The following NTSR2 variants were observed in gnomAD, a reference collection of about 807,000 sequenced individuals.
The protein encoded by NTSR2 is neurotensin receptor 2, also known as neurotensin receptor type 2.
Under a neutral mutation model 24.1 loss-of-function variants are expected in NTSR2, and 22 were observed. The ratio of observed to expected loss-of-function variants is 0.91; its 90% CI spans 0.65 to 1.30. The LOEUF is 1.30. Among genes scored for constraint, NTSR2 ranks in the 50% most tolerant of loss-of-function variants. The pLI, the probability that NTSR2 is intolerant of heterozygous loss-of-function variation, is 0.00. For missense variants in NTSR2, 570 were observed against 570.4 expected, an observed-to-expected ratio of 1.00 and a Z score of 0.01; for synonymous variants, 291 against 267.0, an observed-to-expected ratio of 1.09 and a Z score of -0.88.
At chr2:11,659,279 T>G (rs1423442220) in intron 3 of NTSR2, among the ~76,000 whole-genome samples, 1 of 152,234 alleles carries the variant, frequency 6.6e-6, no homozygotes, top group African/African-American at 2.4e-5. Flanking sequence ...CACTGCTGAC[T>G]GACAGGGGCC....
In NTSR2 at chr2:11,660,126, G is replaced by A. The variant is rs747145082; in HGVS notation, c.906C>T (p.Ile302=). 1.2e-5 allele frequency: 20 copies of A among 1,613,134 alleles called. No homozygotes were observed. The highest frequency in any genetic ancestry group is 1.6e-4 in the Middle Eastern group (1 of 6,062). ...LQRSVQVLRA[I]VVMYVICWLP... is the part of the protein sequence containing the mutation. ...GCCAGCAGATGACATACATGACCACGATGGCTCCTGCAGAGCATTGGAAAG... is the reference window on the plus strand; with the variant it reads ...GCCAGCAGATGACATACATGACCACAATGGCTCCTGCAGAGCATTGGAAAG... Residue 302 remains isoleucine, a synonymous_variant, in exon 3 of 4, where the codon ATC becomes ATT. Coordinates refer to ENST00000306928, the MANE Select transcript of NTSR2 (RefSeq NM_012344.4).
At chr2:11,663,429 G>C (rs1475717726) in intron 1 of NTSR2, among the ~76,000 whole-genome samples, 1 of 152,064 alleles carries the variant, frequency 6.6e-6, no homozygotes, top group Non-Finnish European at 1.5e-5. Flanking sequence ...GATGAAACTG[G>C]TAGATTATCT....
rs759920752 is a variant in NTSR2 at position 11,669,468 on chromosome 2, A to AC, written c.624+37dup. ...TCCCTCCTCCCAGCACCGCCCCCCC[A>AC]CCCCCCCTCCCCCGACTCCCGCTCT... On this transcript the variant is annotated intron_variant, in intron 1 of 3. Transcript: ENST00000306928. 3.1e-3 allele frequency: 275 copies of AC among 89,698 alleles called. No individual in the cohort carries two copies. In the East Asian group the frequency reaches 0.052, roughly 17 times the overall value. The allele number at this position is 89,698 out of a possible 1,614,324, so 5.6% of individuals were successfully genotyped here.
Position 11,658,722 on chromosome 2 carries a change from G to A in NTSR2, c.990C>T (p.Asp330=). Residue 330 remains aspartate (D), a splice_region_variant and synonymous_variant, in exon 4 of 4, where the codon GAC becomes GAT. Coordinates refer to ENST00000306928, the MANE Select transcript of NTSR2 (RefSeq NM_012344.4). ...AGTAGTGGTAGAAATTGTACAGTGG[G>A]CTGCAAGAGAAACCCGGGAGCCTGG... ...YCYVPDDAWT[D]PLYNFYHYFY... 1 of 1,613,248 alleles carries A rather than the reference G, an allele frequency of 6.2e-7. No homozygotes were observed. Among genetic ancestry groups the A allele is most frequent in the Non-Finnish European group, 8.5e-7 (1 of 1,179,292 alleles).
chr2:11,669,988 C>T lies in NTSR2; in HGVS notation c.142G>A (p.Ala48Thr), dbSNP rs868008641. The T allele has an allele frequency of 6.6e-7, 1 of 1,512,668 alleles. No individual in the cohort carries two copies. Among genetic ancestry groups the T allele is most frequent in the Admixed American group, 2.2e-5 (1 of 45,924 alleles). The allele number at this position is 1,512,668 out of a possible 1,614,324, so 93.7% of individuals were successfully genotyped here. ...LYALIWALGA[A>T]GNALSAHVVL... The stretch of plus-strand genomic sequence containing the variant: ...ACGTGCGCGGACAGCGCATTGCCCG[C>T]CGCGCCCAGCGCCCAGATGAGTGCG... The change falls in exon 1 of 4, where the codon GCG becomes ACG. Residue 48 changes from alanine to threonine, a missense_variant. Transcript: ENST00000306928.
Position 11,662,139 on chromosome 2 carries a change from G to A in NTSR2, c.726C>T (p.Ser242=). Reference sequence around the variant, plus strand: ...GGGTGGAGCTGCCCGGGGTAGAAGTGGACGGCACTTGGGAGCAGAGGGCCA... The same window carrying A: ...GGGTGGAGCTGCCCGGGGTAGAAGTAGACGGCACTTGGGAGCAGAGGGCCA... The part of the protein sequence containing the change: ...HLLALCSQVP[S]TSTPGSSTPS... The change falls in exon 2 of 4, where the codon TCC becomes TCT. Residue 242 remains serine, a synonymous_variant. Coordinates refer to ENST00000306928, the MANE Select transcript of NTSR2 (RefSeq NM_012344.4). 1.2e-6 allele frequency: 2 copies of A among 1,609,390 alleles called. No individual in the cohort carries two copies. Among genetic ancestry groups the A allele is most frequent in the Middle Eastern group, 1.7e-4 (1 of 6,032 alleles).
intron 1 of NTSR2, among the ~76,000 whole-genome samples, chr2:11,667,495 C>G (rs1251597506): frequency 6.6e-6 from 1 of 152,080 alleles, no homozygotes; most frequent in African/African-American, 2.4e-5. Context: ...TACAGGCATG[C>G]CACCATGCCC....
At chr2:11,667,540 T>G (rs1033249666) in intron 1 of NTSR2, among the ~76,000 whole-genome samples, 2 of 152,132 alleles carry the variant, frequency 1.3e-5, no homozygotes. Context: ...AGACAGGGTT[T>G]CACTATGTTG....
chr2:11,661,389 A>G (rs917010877), intron 2 of NTSR2, among the ~76,000 whole-genome samples: 1 of 152,116 alleles, frequency 6.6e-6, no homozygotes, highest in African/African-American at 2.4e-5. Context: ...GTCCATACAC[A>G]AGACTGTGAC....
In NTSR2 at chr2:11,660,124, A is replaced by G; in HGVS notation, c.908T>C (p.Val303Ala). The part of the protein sequence containing the change: ...QRSVQVLRAI[V>A]VMYVICWLPY... ...CAGCCAGCAGATGACATACATGACC[A>G]CGATGGCTCCTGCAGAGCATTGGAA... Residue 303 changes from valine (V) to alanine (A), a missense_variant, in exon 3 of 4, where the codon GTG becomes GCG. Physicochemically the swap from Val to Ala is moderately conservative, Grantham distance 64 (BLOSUM62 0). Coordinates refer to ENST00000306928, the MANE Select transcript of NTSR2 (RefSeq NM_012344.4). 6.2e-7 allele frequency: 1 copy of G among 1,613,416 alleles called. No homozygotes were observed. Among genetic ancestry groups the G allele is most frequent in the Non-Finnish European group, 8.5e-7 (1 of 1,179,812 alleles).
chr2:11,669,400 G>T (rs1661272643), intron 1 of NTSR2, 106 bp downstream of exon 1: 1 of 951,254 alleles, frequency 1.1e-6, no homozygotes, highest in Non-Finnish European at 1.4e-6. Flanking sequence ...GGGTGGTGGC[G>T]AGCATTAGAG....
At chr2:11,661,494 C>T (rs1258507388) in intron 2 of NTSR2, among the ~76,000 whole-genome samples, 1 of 152,202 alleles carries the variant, frequency 6.6e-6, no homozygotes, top group African/African-American at 2.4e-5. Flanking sequence ...CCTCTGCTCT[C>T]CTGTGCCTTT....
intron 3 of NTSR2, 67 bp downstream of exon 3, chr2:11,659,976 T>C (rs1661033668): frequency 7.6e-7 from 1 of 1,316,024 alleles, no homozygotes; most frequent in Non-Finnish European, 1.1e-6. Flanking sequence ...TGGAGAGCAA[T>C]GGAGACCCCA....
chr2:11,665,485 G>C (rs982649140), intron 1 of NTSR2: 2 of 152,222 alleles, frequency 1.3e-5, no homozygotes, highest in Non-Finnish European at 2.9e-5. Context: ...TGTTGCAGCT[G>C]CTAGATCCAG....
At chr2:11,665,053 C>CTTTT (rs1661164044) in intron 1 of NTSR2, among the ~76,000 whole-genome samples, 2 of 116,198 alleles carry the variant, frequency 1.7e-5, no homozygotes, top group Admixed American at 1.0e-4. Flanking sequence ...CACTTTGGCA[C>CTTTT]TGTTTTTTTT....
chr2:11,659,094 C>T (rs1223531607), intron 3 of NTSR2, among the ~76,000 whole-genome samples: 1 of 152,170 alleles, frequency 6.6e-6, no homozygotes, highest in Admixed American at 6.5e-5. Context: ...CTCAGGTGAT[C>T]CACCTGCCTT....
intron 3 of NTSR2, among the ~76,000 whole-genome samples, chr2:11,659,629 G>A (rs1216445164): frequency 6.6e-6 from 1 of 152,180 alleles, no homozygotes; most frequent in Admixed American, 6.5e-5. Context: ...CATAAAAGGG[G>A]GTGCATGTCT....
At chr2:11,669,358 A>G in intron 1 of NTSR2, 148 bp downstream of exon 1, 1 of 661,312 alleles carries the variant, frequency 1.5e-6, no homozygotes, top group Non-Finnish European at 2.2e-6. Flanking sequence ...CCTTCTAGTA[A>G]AATGGGACAG....
At chr2:11,662,380 A>G in intron 1 of NTSR2, 140 bp from the exon 2 acceptor site, 1 of 774,338 alleles carries the variant, frequency 1.3e-6, no homozygotes, top group Non-Finnish European at 1.9e-6. Flanking sequence ...AAAGTTCTCA[A>G]AAAGTGAGGA....
Sources: allele counts gnomAD v4.1 joint callset (sites outside exome capture counted in the v4.1 genomes callset), GRCh38; gene constraint gnomAD v4.1.1; transcripts MANE v1.5; gene names NCBI Gene and HGNC (gene_info 2026-07-23, HGNC 2026-07-21).